The following MAGI2 variants were observed in gnomAD, a reference collection of about 807,000 sequenced individuals.
The protein encoded by MAGI2 is membrane-associated guanylate kinase, WW and PDZ domain-containing protein 2.
MAGI2 carries 35 observed loss-of-function variants against 133.3 expected under a neutral mutation model. The ratio of observed to expected loss-of-function variants is 0.26; its 90% confidence interval spans 0.20 to 0.35. MAGI2 has a LOEUF of 0.35. Among genes scored for constraint, MAGI2 ranks in the 10% least tolerant of loss-of-function variants. The probability of loss-of-function intolerance (pLI) is 1.00; values close to 1 mark genes in which losing one functional copy is unlikely to be tolerated. For synonymous variants in MAGI2, 729 were observed against 710.6 expected, an observed-to-expected ratio of 1.03 and a Z score of -0.41; for missense variants, 1,636 against 1,863.4, an observed-to-expected ratio of 0.88 and a Z score of 2.25.
chr7:78,645,356 A>G (rs899623320), intron 2 of MAGI2, among the ~76,000 whole-genome samples: 15 of 152,218 alleles, frequency 9.9e-5, no homozygotes, highest in African/African-American at 3.6e-4. Context: ...CATTAAAAGA[A>G]AAGAAAATTG....
intron 2 of MAGI2, among the ~76,000 whole-genome samples, chr7:78,633,160 G>A (rs1354623446): frequency 2.0e-5 from 3 of 152,192 alleles, no homozygotes; most frequent in Non-Finnish European, 2.9e-5. Flanking sequence ...CAGATACTGC[G>A]TGTTCTCACT....
chr7:79,178,524 C>A (rs1337366653), intron 1 of MAGI2, among the ~76,000 whole-genome samples: 2 of 151,632 alleles, frequency 1.3e-5, no homozygotes, highest in African/African-American at 4.9e-5. Context: ...CCAGCCTGAC[C>A]AATATGGTGA....
chr7:78,143,841 A>G (rs891671814), intron 16 of MAGI2, among the ~76,000 whole-genome samples: 2 of 151,978 alleles, frequency 1.3e-5, no homozygotes, highest in African/African-American at 4.8e-5. Context: ...TTGCTTCATC[A>G]GCTCATTTCC....
chr7:79,222,674 A>T (rs554040201), intron 1 of MAGI2, among the ~76,000 whole-genome samples: 43 of 152,012 alleles, frequency 2.8e-4, no homozygotes, highest in Non-Finnish European at 5.7e-4. Context: ...ACATAAAATA[A>T]TATTACTCCT....
At chr7:78,775,319 T>TGAAAAAAAAA (rs1825900811) in intron 2 of MAGI2, among the ~76,000 whole-genome samples, 1 of 13,902 alleles carries the variant, frequency 7.2e-5, no homozygotes, top group Non-Finnish European at 1.3e-4. Context: ...TCGTCTCAAA[T>TGAAAAAAAAA]TAAAAAAAAA....
At chr7:78,560,868 T>A (rs17372719) in intron 3 of MAGI2, among the ~76,000 whole-genome samples, 3 of 151,974 alleles carry the variant, frequency 2.0e-5, no homozygotes, top group Non-Finnish European at 4.4e-5. Flanking sequence ...ACATATAGCC[T>A]TTCTAGTAGA....
intron 9 of MAGI2, among the ~76,000 whole-genome samples, chr7:78,333,646 C>T (rs2151158647): frequency 6.6e-6 from 1 of 152,316 alleles, no homozygotes; most frequent in Middle Eastern, 3.4e-3. Context: ...CCCTTTTGCT[C>T]TCTCAAGCTA....
intron 2 of MAGI2, among the ~76,000 whole-genome samples, chr7:78,746,750 C>G (rs1197586515): frequency 6.6e-6 from 1 of 152,128 alleles, no homozygotes; most frequent in African/African-American, 2.4e-5. Flanking sequence ...ATACAGGTAT[C>G]AGGTTTTGAT....
chr7:78,953,123 T>C (rs184128124), intron 2 of MAGI2, among the ~76,000 whole-genome samples: 32 of 152,288 alleles, frequency 2.1e-4, no homozygotes, highest in East Asian at 9.7e-4. Context: ...ACATTCTTCA[T>C]ATAATACATC....
intron 21 of MAGI2, among the ~76,000 whole-genome samples, chr7:78,077,769 G>A (rs561056164): frequency 1.9e-5 from 2 of 103,508 alleles, no homozygotes; most frequent in African/African-American, 8.0e-5. Flanking sequence ...CGCTCTTGTT[G>A]CCCAGACTGG....
chr7:78,104,458 G>A (rs1025734130), intron 20 of MAGI2, among the ~76,000 whole-genome samples: 1 of 151,684 alleles, frequency 6.6e-6, no homozygotes, highest in Admixed American at 6.6e-5. Context: ...TCCTGACCTC[G>A]TCATCCGCCC....
chr7:78,673,293 GACACAC>G (rs373754911), intron 2 of MAGI2, among the ~76,000 whole-genome samples: 2 of 150,904 alleles, frequency 1.3e-5, no homozygotes, highest in Admixed American at 1.3e-4. Context: ...CACACACACA[GACACAC>G]ACACACACAG....
chr7:78,058,003 A>ATATGTGTG, intron 21 of MAGI2, among the ~76,000 whole-genome samples: 2 of 117,028 alleles, frequency 1.7e-5, no homozygotes, highest in East Asian at 2.3e-4. Context: ...ATATATATAT[A>ATATGTGTG]TGTATGAGAA....
chr7:78,530,245 TTC>T (rs68134140), intron 3 of MAGI2, among the ~76,000 whole-genome samples: 8,453 of 152,184 alleles, frequency 0.056, 431 homozygotes, highest in African/African-American at 0.13. Flanking sequence ...TCAATGATAT[TTC>T]TCTTGTTTGA....
chr7:79,418,830 T>TACACAC (rs57172659), intron 1 of MAGI2, among the ~76,000 whole-genome samples: 78 of 137,780 alleles, frequency 5.7e-4, no homozygotes, highest in Non-Finnish European at 9.1e-4. Context: ...CCAATACACA[T>TACACAC]ACACACACAC....
chr7:79,172,167 G>A (rs1825683842), intron 1 of MAGI2, among the ~76,000 whole-genome samples: 1 of 151,974 alleles, frequency 6.6e-6, no homozygotes, highest in Non-Finnish European at 1.5e-5. Flanking sequence ...TTGTGAACAT[G>A]TAAAAGAGAA....
chr7:79,318,941 G>A (rs1179157688), intron 1 of MAGI2, among the ~76,000 whole-genome samples: 1 of 152,044 alleles, frequency 6.6e-6, no homozygotes, highest in Non-Finnish European at 1.5e-5. Flanking sequence ...TTAAGTATTT[G>A]CATTATAAAT....
intron 2 of MAGI2, among the ~76,000 whole-genome samples, chr7:78,875,646 G>A (rs1421361050): frequency 4.6e-5 from 7 of 152,054 alleles, no homozygotes; most frequent in Admixed American, 4.6e-4. Context: ...AGCACATATT[G>A]CCACTATATT....
At chr7:79,090,557 A>T (rs1162621455) in intron 1 of MAGI2, among the ~76,000 whole-genome samples, 1 of 152,128 alleles carries the variant, frequency 6.6e-6, no homozygotes, top group East Asian at 1.9e-4. Flanking sequence ...AGACAAGGAA[A>T]TCTGAATTCG....
Sources: gnomAD v4.1 joint callset for allele counts (sites outside exome capture counted in the v4.1 genomes callset) on GRCh38, gnomAD v4.1.1 for gene constraint, MANE v1.5 for transcripts, NCBI Gene and HGNC (gene_info 2026-07-23, HGNC 2026-07-21) for gene names.